DESI1: variants seen among roughly 807,000 people sequenced by gnomAD.
DESI1 encodes desumoylating isopeptidase 1.
Under a neutral mutation model 22.4 loss-of-function variants are expected in DESI1, and 17 were observed. That is an observed-to-expected ratio of 0.76 (90% CI 0.52 to 1.14). The LOEUF is 1.14. Ranked by LOEUF, DESI1 falls within the 50% of genes most tolerant of loss-of-function variation. DESI1 has a pLI of 0.00. For missense variants in DESI1, 177 were observed against 208.9 expected (o/e 0.85, Z 0.94); for synonymous variants, 92 against 84.2 (o/e 1.09, Z -0.51).
intron 2 of DESI1, 104 bp from the exon 3 acceptor site, chr22:41,607,435 T>C: frequency 9.1e-7 from 1 of 1,100,628 alleles, no homozygotes; most frequent in Non-Finnish European, 1.3e-6. Context: ...GATAGGACTG[T>C]GGGGACCAGT....
chr22:41,607,307 C>T lies in DESI1; in HGVS notation c.135G>A (p.Lys45=). 6.2e-7 allele frequency: 1 copy of T among 1,612,778 alleles called. No individual in the cohort carries two copies. Among genetic ancestry groups the T allele is most frequent in the Middle Eastern group, 1.7e-4 (1 of 6,058 alleles). The change falls in exon 3 of 6, where the codon AAG becomes AAA. Residue 45 remains lysine, a synonymous_variant. Coordinates refer to ENST00000263256, the MANE Select transcript of DESI1 (RefSeq NM_015704.3). Reference sequence around the variant, plus strand: ...CACCACTGCCGAAGAAGAACTCATCCTTGTGCACAACTATGGATGTGTGCC... The same window carrying T: ...CACCACTGCCGAAGAAGAACTCATCTTTGTGCACAACTATGGATGTGTGCC... The part of the protein sequence containing the change: ...GIWHTSIVVH[K]DEFFFGSGGI...
intron 1 of DESI1, among the ~76,000 whole-genome samples, chr22:41,610,396 T>A (rs978473715): frequency 6.7e-6 from 1 of 148,912 alleles, no homozygotes; most frequent in Non-Finnish European, 1.5e-5. Flanking sequence ...AAAAAAAAAA[T>A]TCTACTTCAG....
intron 1 of DESI1, among the ~76,000 whole-genome samples, chr22:41,615,666 C>A (rs2067546655): frequency 6.6e-6 from 1 of 152,174 alleles, no homozygotes; most frequent in African/African-American, 2.4e-5. Flanking sequence ...AAGTCTCAAT[C>A]ATTTCTATAA....
Position 41,604,049 on chromosome 22 carries a change from C to G in DESI1, c.285G>C (p.Leu95=). 6.2e-7 allele frequency: 1 copy of G among 1,613,366 alleles called. No homozygotes were observed. The highest frequency in any genetic ancestry group is 8.5e-7 in the Non-Finnish European group (1 of 1,179,794). The change falls in exon 4 of 6, where the codon CTG becomes CTC. Residue 95 remains leucine, a synonymous_variant. Coordinates refer to ENST00000263256, the MANE Select transcript of DESI1 (RefSeq NM_015704.3). ...CCACCCCTGTCTCCACTCACCGGAACAGGGACTCCCCCAGGGAGGAGAGGT... is the reference window on the plus strand; with the variant it reads ...CCACCCCTGTCTCCACTCACCGGAAGAGGGACTCCCCCAGGGAGGAGAGGT... The part of the protein sequence containing the change: ...LEYLSSLGES[L]FRGEAYNLFE...
chr22:41,601,215 G>T, intron 5 of DESI1, 25 bp from the exon 6 acceptor site: 1 of 1,577,312 alleles, frequency 6.3e-7, no homozygotes, highest in African/African-American at 1.6e-5. Context: ...AGACATGAGA[G>T]GGGTGGGCTC....
chr22:41,607,771 G>C, intron 2 of DESI1, 69 bp downstream of exon 2: 1 of 1,574,734 alleles, frequency 6.4e-7, no homozygotes, highest in Non-Finnish European at 8.7e-7. Flanking sequence ...CCACAGACTA[G>C]AACCTGAAAT....
chr22:41,620,926 G>A lies in DESI1; in HGVS notation c.-87C>T. On this transcript the variant is annotated 5_prime_UTR_variant, in exon 1 of 6. Coordinates refer to ENST00000263256, the MANE Select transcript of DESI1 (RefSeq NM_015704.3). ...CCCGTACCCGACGGGAGTGCGAAGC[G>A]GAGGGAGAGGGGGGGACCGAGCCCG... 6.8e-7 allele frequency: 1 copy of A among 1,480,812 alleles called. No homozygotes were observed. Among genetic ancestry groups the A allele is most frequent in the Non-Finnish European group, 9.2e-7 (1 of 1,087,364 alleles). The allele number at this position is 1,480,812 out of a possible 1,614,324, so 91.7% of individuals were successfully genotyped here.
At chr22:41,607,195 GCTCCTGGT>G (rs1189203576) in intron 3 of DESI1, 59 bp downstream of exon 3, 2 of 1,432,288 alleles carry the variant, frequency 1.4e-6, no homozygotes, top group Admixed American at 4.9e-5. Context: ...TAGAAGCAAA[GCTCCTGGT>G]CTACAGGAGC....
chr22:41,619,525 G>A (rs1201858113), intron 1 of DESI1, among the ~76,000 whole-genome samples: 3 of 152,162 alleles, frequency 2.0e-5, no homozygotes, highest in Middle Eastern at 3.4e-3. Flanking sequence ...TATATCCTTT[G>A]ATTTGCATAT....
chr22:41,614,108 C>T (rs2067534954), intron 1 of DESI1, among the ~76,000 whole-genome samples: 1 of 151,934 alleles, frequency 6.6e-6, no homozygotes, highest in Non-Finnish European at 1.5e-5. Context: ...GCAATCATGG[C>T]TCACTACAAC....
At position 41,600,008 on chromosome 22, in the gene DESI1, G is replaced by C. The variant is rs905186580; in HGVS notation, c.*1089C>G. The C allele has an allele frequency of 1.3e-5, 2 of 151,760 alleles. No individual in the cohort carries two copies. Among genetic ancestry groups the C allele is most frequent in the African/African-American group, 2.4e-5 (1 of 41,392 alleles). 9.4% of individuals were successfully genotyped at this position (151,760 alleles called of 1,614,324 possible). On this transcript the variant is annotated 3_prime_UTR_variant, in exon 6 of 6. Transcript: ENST00000263256. ...AGCCTGGCCAACATGGCAAAACCCTGTCTCTACTGAAAATACAAAAATTAG... is the reference window on the plus strand; with the variant it reads ...AGCCTGGCCAACATGGCAAAACCCTCTCTCTACTGAAAATACAAAAATTAG...
At chr22:41,620,329 TCAC>T (rs2067578870) in intron 1 of DESI1, among the ~76,000 whole-genome samples, 1 of 152,018 alleles carries the variant, frequency 6.6e-6, no homozygotes, top group South Asian at 2.1e-4. Flanking sequence ...AGTGTCTCTG[TCAC>T]CACGAGGGGC....
At chr22:41,614,112 C>G (rs2067535006) in intron 1 of DESI1, among the ~76,000 whole-genome samples, 1 of 151,932 alleles carries the variant, frequency 6.6e-6, no homozygotes, top group African/African-American at 2.4e-5. Context: ...TCATGGCTCA[C>G]TACAACCCCC....
chr22:41,606,261 T>C (rs2067479794), intron 3 of DESI1, among the ~76,000 whole-genome samples: 2 of 150,450 alleles, frequency 1.3e-5, no homozygotes, highest in Admixed American at 6.7e-5. Context: ...GTGGCTCAAG[T>C]GGGAGGATTC....
intron 3 of DESI1, among the ~76,000 whole-genome samples, chr22:41,606,709 G>C (rs979578617): frequency 3.4e-5 from 5 of 147,274 alleles, no homozygotes; most frequent in African/African-American, 5.1e-5. Context: ...GGGAGGCGGA[G>C]CTTGCAGTGA....
At chr22:41,613,717 A>T (rs903930732) in intron 1 of DESI1, among the ~76,000 whole-genome samples, 7 of 152,214 alleles carry the variant, frequency 4.6e-5, no homozygotes, top group African/African-American at 1.4e-4. Flanking sequence ...CTCCCAGTCT[A>T]CTGCTGTCTT....
At chr22:41,614,579 C>T (rs113235187) in intron 1 of DESI1, among the ~76,000 whole-genome samples, 11 of 80,430 alleles carry the variant, frequency 1.4e-4, no homozygotes, top group Non-Finnish European at 2.5e-4. Context: ...CTACTGTGCC[C>T]GGCCTACATC....
chr22:41,604,248 G>A, intron 3 of DESI1, 95 bp from the exon 4 acceptor site: 1 of 487,974 alleles, frequency 2.0e-6, no homozygotes, highest in Non-Finnish European at 3.2e-6. Context: ...ACTCTGTTCT[G>A]ACTTTTTTTT....
Position 41,603,316 on chromosome 22 carries a change from A to AG in DESI1, c.355dup (p.Leu119ProfsTer16). 1.9e-6 allele frequency: 3 copies of AG among 1,614,266 alleles called. No individual in the cohort carries two copies. Among genetic ancestry groups the AG allele is most frequent in the Non-Finnish European group, 2.5e-6 (3 of 1,180,050 alleles). ...GTAAGAAGGAATCTTCCGCCCAGTC[A>AG]GGAACTGTGCCACTTCGTTGCTGAA... On this transcript the variant is annotated frameshift_variant, in exon 5 of 6. Transcript: ENST00000263256. LOFTEE classifies it high-confidence loss of function.
Sources: gnomAD v4.1 joint callset for allele counts (sites outside exome capture counted in the v4.1 genomes callset) on GRCh38, gnomAD v4.1.1 for gene constraint, MANE v1.5 for transcripts, NCBI Gene and HGNC (gene_info 2026-07-23, HGNC 2026-07-21) for gene names.